Variants in GTSF1 observed in about 807,000 individuals in gnomAD.
GTSF1 encodes gametocyte-specific factor 1.
GTSF1 carries 11 observed loss-of-function variants against 28.9 expected under a neutral mutation model. The ratio of observed to expected loss-of-function variants is 0.38; its 90% confidence interval spans 0.24 to 0.63. The LOEUF (loss-of-function observed/expected upper bound fraction) is 0.63. Among genes scored for constraint, GTSF1 ranks in the 30% least tolerant of loss-of-function variants. The probability of loss-of-function intolerance (pLI) is 0.56; values close to 1 mark genes in which losing one functional copy is unlikely to be tolerated. For missense variants in GTSF1, 146 were observed against 201.0 expected (o/e 0.73, Z 1.66); for synonymous variants, 69 against 65.6 (o/e 1.05, Z -0.25).
At chr12:54,465,776 A>G (rs1477621504) in intron 2 of GTSF1, among the ~76,000 whole-genome samples, 1 of 152,164 alleles carries the variant, frequency 6.6e-6, no homozygotes, top group Admixed American at 6.5e-5. Context: ...TATATCAGTT[A>G]TATGTTTTAT....
intron 2 of GTSF1, 141 bp from the exon 3 acceptor site, chr12:54,465,308 AG>A: frequency 2.0e-6 from 1 of 493,074 alleles, no homozygotes; most frequent in Non-Finnish European, 3.7e-6. Context: ...TTAAAAAAAA[AG>A]GGTGACTACA....
At chr12:54,461,089 C>T (rs73308569) in intron 6 of GTSF1, among the ~76,000 whole-genome samples, 15,973 of 151,670 alleles carry the variant, frequency 0.11, 1,003 homozygotes, top group African/African-American at 0.17. Flanking sequence ...TGAGAAATAG[C>T]TTCATTCATT....
chr12:54,459,524 G>A (rs1956387655), intron 7 of GTSF1: 2 of 1,089,556 alleles, frequency 1.8e-6, no homozygotes, highest in Admixed American at 2.8e-5. Context: ...TCTCTATGTG[G>A]AAATTTCATT....
chr12:54,456,719 C>T (rs1956337292), intron 8 of GTSF1, among the ~76,000 whole-genome samples: 1 of 152,208 alleles, frequency 6.6e-6, no homozygotes, highest in Admixed American at 6.5e-5. Context: ...TCCTTAAGGG[C>T]ATAGTCATAT....
chr12:54,470,333 GCAATCTGGTT>G, intron 2 of GTSF1, among the ~76,000 whole-genome samples: 1 of 152,316 alleles, frequency 6.6e-6, no homozygotes, highest in African/African-American at 2.4e-5. Context: ...GTGGGACCCA[GCAATCTGGTT>G]CAACAAGCTT....
At chr12:54,459,817 C>G (rs1956393469) in intron 7 of GTSF1, among the ~76,000 whole-genome samples, 1 of 142,412 alleles carries the variant, frequency 7.0e-6, no homozygotes, top group African/African-American at 2.7e-5. Context: ...AGCTCCGCCT[C>G]CCGGGTTCAC....
In GTSF1 at chr12:54,471,284, A is replaced by G; in HGVS notation, c.-29-7T>C. 2 of 1,584,260 alleles carry G rather than the reference A, an allele frequency of 1.3e-6. No homozygotes were observed. The highest frequency in any genetic ancestry group is 1.7e-6 in the Non-Finnish European group (2 of 1,165,552). Reference sequence around the variant, plus strand: ...AAGAAGCTGAATCCAAGTGCTGGAAAAAACAAAAGTGTGATTCAGGAAATC... The same window carrying G: ...AAGAAGCTGAATCCAAGTGCTGGAAGAAACAAAAGTGTGATTCAGGAAATC... On this transcript the variant is annotated splice_polypyrimidine_tract_variant and splice_region_variant and intron_variant, in intron 1 of 8. Transcript: ENST00000305879.
chr12:54,470,934 A>T (rs1442231461), intron 2 of GTSF1, among the ~76,000 whole-genome samples: 3 of 152,188 alleles, frequency 2.0e-5, no homozygotes, highest in Non-Finnish European at 4.4e-5. Context: ...ATTACTCCTC[A>T]AAATAGAAAG....
chr12:54,473,119 AC>A (rs2120814619), intron 1 of GTSF1, among the ~76,000 whole-genome samples: 1 of 152,226 alleles, frequency 6.6e-6, no homozygotes, highest in African/African-American at 2.4e-5. Context: ...GGGATTCTTT[AC>A]CTTTTCCCTA....
intron 2 of GTSF1, among the ~76,000 whole-genome samples, chr12:54,467,805 G>A (rs371414787): frequency 6.7e-6 from 1 of 149,546 alleles, no homozygotes; most frequent in African/African-American, 2.5e-5. Flanking sequence ...ATGGAGTTTC[G>A]TTCTTGTTGC....
chr12:54,469,175 T>C (rs905065700), intron 2 of GTSF1, among the ~76,000 whole-genome samples: 1 of 152,062 alleles, frequency 6.6e-6, no homozygotes, highest in African/African-American at 2.4e-5. Flanking sequence ...ACCTCCTGGG[T>C]CCAAGCAATT....
chr12:54,462,143 C>A lies in GTSF1; in HGVS notation c.358G>T (p.Val120Phe). 1 of 1,613,810 alleles carries A rather than the reference C, an allele frequency of 6.2e-7. No homozygotes were observed. Among genetic ancestry groups the A allele is most frequent in the Non-Finnish European group, 8.5e-7 (1 of 1,179,794 alleles). The change falls in exon 6 of 9, where the codon GTC (valine) becomes TTC (phenylalanine). Residue 120 changes from valine to phenylalanine, a missense_variant. Transcript: ENST00000305879. ...DLWEQTSTPF[V>F]WGTTHYSDNN... ...TCAGAGTAGTGAGTTGTGCCCCAGACAAATGGGGTGCTGGTCTGCTCCCAC... is the reference window on the plus strand; with the variant it reads ...TCAGAGTAGTGAGTTGTGCCCCAGAAAAATGGGGTGCTGGTCTGCTCCCAC...
At chr12:54,457,603 G>A (rs888036406) in intron 8 of GTSF1, among the ~76,000 whole-genome samples, 3 of 152,064 alleles carry the variant, frequency 2.0e-5, no homozygotes, top group Non-Finnish European at 2.9e-5. Context: ...TTTAAGACAC[G>A]AGGTCTCACT....
intron 6 of GTSF1, among the ~76,000 whole-genome samples, chr12:54,461,443 G>T (rs780203525): frequency 1.3e-4 from 19 of 151,992 alleles, no homozygotes; most frequent in Non-Finnish European, 2.5e-4. Flanking sequence ...GAGGCAGAGG[G>T]GGGAGGATCA....
chr12:54,463,108 G>A lies in GTSF1; in HGVS notation c.244+63C>T, dbSNP rs1197886655. 7.8e-6 allele frequency: 12 copies of A among 1,534,508 alleles called. No individual in the cohort carries two copies. The South Asian group carries it at 1.1e-4, about 13-fold the overall frequency. On this transcript the variant is annotated intron_variant, in intron 4 of 8. Coordinates refer to ENST00000305879, the MANE Select transcript of GTSF1 (RefSeq NM_144594.3). ...AGCCAAAAATCAAGCTGACAATCTA[G>A]CATAATACAAATCTGAAGGAGCTAC...
intron 2 of GTSF1, chr12:54,467,074 A>G (rs1330207655): frequency 2.0e-5 from 3 of 152,082 alleles, no homozygotes; most frequent in Non-Finnish European, 4.4e-5. Context: ...CTAGTCTCCA[A>G]AAGTTTTTTG....
At chr12:54,469,540 T>C (rs1956568073) in intron 2 of GTSF1, among the ~76,000 whole-genome samples, 1 of 150,886 alleles carries the variant, frequency 6.6e-6, no homozygotes, top group Non-Finnish European at 1.5e-5. Flanking sequence ...ATATAAAAAT[T>C]AGCCAGGCGT....
At chr12:54,460,618 T>C (rs951282777) in intron 6 of GTSF1, 147 bp from the exon 7 acceptor site, 30 of 620,036 alleles carry the variant, frequency 4.8e-5, no homozygotes, top group Non-Finnish European at 8.0e-5. Flanking sequence ...ATCAAAACGT[T>C]CCGGCAATTA....
intron 1 of GTSF1, chr12:54,472,057 A>T (rs1956601554): frequency 6.6e-6 from 1 of 152,216 alleles, no homozygotes; most frequent in Admixed American, 6.5e-5. Flanking sequence ...TAAAAAAACA[A>T]AAAACCCCTT....
Sources: gnomAD v4.1 joint callset for allele counts (sites outside exome capture counted in the v4.1 genomes callset) on GRCh38, gnomAD v4.1.1 for gene constraint, MANE v1.5 for transcripts, NCBI Gene and HGNC (gene_info 2026-07-23, HGNC 2026-07-21) for gene names.